RHOBTB3: variants seen among roughly 807,000 people sequenced by gnomAD.
RHOBTB3 encodes Rho related BTB domain containing 3, also known as rho-related BTB domain-containing protein 3.
In RHOBTB3, 47 loss-of-function variants were observed where a neutral mutation model predicts 67.2. The ratio of observed to expected loss-of-function variants is 0.70; its 90% confidence interval spans 0.55 to 0.89. The LOEUF is 0.89. RHOBTB3 is among the 40% of genes least tolerant of loss of function. The probability of loss-of-function intolerance (pLI) is 0.00; values close to 1 mark genes in which losing one functional copy is unlikely to be tolerated. For missense variants in RHOBTB3, 631 were observed against 750.0 expected (o/e 0.84, Z 1.85); for synonymous variants, 273 against 274.2 (o/e 1.00, Z 0.04).
At chr5:95,740,955 A>G (rs1210770429) in intron 3 of RHOBTB3, among the ~76,000 whole-genome samples, 1 of 152,230 alleles carries the variant, frequency 6.6e-6, no homozygotes, top group African/African-American at 2.4e-5. Context: ...ATCATCTAAG[A>G]ACAAGGCCGT....
Position 95,732,015 on chromosome 5 carries a change from G to T in RHOBTB3, c.159G>T (p.Pro53=), listed in dbSNP as rs1254969408. 6.2e-7 allele frequency: 1 copy of T among 1,614,100 alleles called. No individual in the cohort carries two copies. The highest frequency in any genetic ancestry group is 1.3e-5 in the African/African-American group (1 of 74,940). Residue 53 remains proline (P), a synonymous_variant, in exon 2 of 12, where the codon CCG becomes CCT. Coordinates refer to ENST00000379982, the MANE Select transcript of RHOBTB3 (RefSeq NM_014899.4). ...LLNAASTVAR[P]VFTEYQASAF... ...ACGCGGCCAGCACGGTCGCGCGTCC[G>T]GTGTTCACCGAGTATCAGGCCAGTG...
rs1004123154 is a variant in RHOBTB3 at position 95,742,778 on chromosome 5, A to T, written c.416-5555A>T. On this transcript the variant is annotated intron_variant, in intron 3 of 11. Transcript: ENST00000379982. ...ATCTTAAGGATGCAAACTTTTATTT[A>T]AAAAAACTCTCAGACCAGGCGCAGT... Among the ~76,000 whole-genome samples, 10 of 152,148 alleles carry T rather than the reference A, an allele frequency of 6.6e-5. 1 individual carries two copies. In the South Asian group the frequency reaches 8.3e-4, roughly 13 times the overall value.
At position 95,793,915 on chromosome 5, in the gene RHOBTB3, G is replaced by T; in HGVS notation, c.*741G>T. On this transcript the variant is annotated 3_prime_UTR_variant, in exon 12 of 12. Transcript: ENST00000379982. ...AAATTCTTAATAATGTTTGAAGAAG[G>T]GCCCCATGATTTCATTTTGTGCTGA... 2.3e-6 allele frequency: 1 copy of T among 443,832 alleles called. No homozygotes were observed. The highest frequency in any genetic ancestry group is 2.0e-5 in the African/African-American group (1 of 49,320). 27.5% of individuals were successfully genotyped at this position (443,832 alleles called of 1,614,324 possible).
intron 2 of RHOBTB3, among the ~76,000 whole-genome samples, chr5:95,735,114 C>A (rs1242226786): frequency 6.6e-6 from 1 of 152,162 alleles, no homozygotes; most frequent in Non-Finnish European, 1.5e-5. Flanking sequence ...ACTGAATGAG[C>A]TGTGTGGTTT....
chr5:95,748,513 A>G, intron 4 of RHOBTB3, 26 bp downstream of exon 4: 3 of 1,575,312 alleles, frequency 1.9e-6, no homozygotes, highest in Non-Finnish European at 1.7e-6. Flanking sequence ...TGTTAAGTAT[A>G]AAGTTATTTG....
chr5:95,777,375 T>G (rs537910573), intron 8 of RHOBTB3, among the ~76,000 whole-genome samples: 37 of 152,376 alleles, frequency 2.4e-4, no homozygotes, highest in Admixed American at 1.2e-3. Flanking sequence ...TTCTTGATAA[T>G]CTATGTAAAG....
intron 8 of RHOBTB3, among the ~76,000 whole-genome samples, chr5:95,774,501 G>C (rs2112822269): frequency 6.6e-6 from 1 of 152,062 alleles, no homozygotes; most frequent in East Asian, 1.9e-4. Context: ...TGTAAATTTA[G>C]GTATCTCCTT....
intron 6 of RHOBTB3, among the ~76,000 whole-genome samples, chr5:95,760,251 C>T (rs10046014): frequency 0.51 from 76,985 of 152,000 alleles, 20,141 homozygotes; most frequent in Admixed American, 0.59. Context: ...TCCTAAGGAA[C>T]GAGGAGTAAT....
intron 8 of RHOBTB3, among the ~76,000 whole-genome samples, chr5:95,772,526 G>A (rs1255681537): frequency 6.6e-6 from 1 of 151,932 alleles, no homozygotes; most frequent in Non-Finnish European, 1.5e-5. Context: ...TGGAGTTTCG[G>A]ATGTTCCCAA....
chr5:95,746,107 C>T (rs897987694), intron 3 of RHOBTB3, among the ~76,000 whole-genome samples: 1 of 152,008 alleles, frequency 6.6e-6, no homozygotes, highest in African/African-American at 2.4e-5. Context: ...AAACAAATGT[C>T]TTCAGTGACA....
intron 7 of RHOBTB3, among the ~76,000 whole-genome samples, chr5:95,766,512 CTTA>C (rs1430399486): frequency 2.0e-5 from 3 of 149,924 alleles, no homozygotes; most frequent in Non-Finnish European, 4.4e-5. Flanking sequence ...TTTAAAATGA[CTTA>C]TTATTTCATC....
chr5:95,731,729 G>T, intron 1 of RHOBTB3, 45 bp downstream of exon 1: 3 of 1,612,634 alleles, frequency 1.9e-6, no homozygotes, highest in Non-Finnish European at 2.5e-6. Context: ...TCCAGCGCGT[G>T]CCGTGCGCCC....
At chr5:95,729,562 G>A (rs975044765), upstream of RHOBTB3, among the ~76,000 whole-genome samples, 4 of 152,048 alleles carry the variant, frequency 2.6e-5, no homozygotes, top group African/African-American at 9.7e-5. Flanking sequence ...ATGTTCTAGC[G>A]TTCAGTTCTA....
chr5:95,792,993 A>G, intron 11 of RHOBTB3, 66 bp from the exon 12 acceptor site: 1 of 1,068,828 alleles, frequency 9.4e-7, no homozygotes, highest in Non-Finnish European at 1.4e-6. Flanking sequence ...GGAAATCAAT[A>G]GCTGATATCT....
chr5:95,731,614 CG>C lies in RHOBTB3; in HGVS notation c.-64del. 1 of 1,602,882 alleles carries C rather than the reference CG, an allele frequency of 6.2e-7. No individual in the cohort carries two copies. Among genetic ancestry groups the C allele is most frequent in the Non-Finnish European group, 8.5e-7 (1 of 1,175,338 alleles). ...GCGGATTGCGGGTGAACTCGCCGCC[CG>C]GGGGCCCCGCGAAGCCGTGAGCCGC... On this transcript the variant is annotated 5_prime_UTR_variant, in exon 1 of 12. It removes the in-frame stop codon of an upstream open reading frame in the 5' UTR. Coordinates refer to ENST00000379982, the MANE Select transcript of RHOBTB3 (RefSeq NM_014899.4).
At chr5:95,752,016 A>T (rs149421491) in intron 4 of RHOBTB3, among the ~76,000 whole-genome samples, 5 of 152,244 alleles carry the variant, frequency 3.3e-5, no homozygotes, top group African/African-American at 1.2e-4. Flanking sequence ...ATTAATAACA[A>T]TTCCTTCTTG....
intron 6 of RHOBTB3, among the ~76,000 whole-genome samples, chr5:95,758,076 T>C (rs1745298755): frequency 1.3e-5 from 2 of 152,210 alleles, no homozygotes. Flanking sequence ...TCCACAATTA[T>C]TATTGACTAC....
intron 8 of RHOBTB3, chr5:95,769,117 G>T: frequency 2.7e-6 from 1 of 370,706 alleles, no homozygotes; most frequent in South Asian, 2.6e-5. Context: ...AATTCTTCAA[G>T]GTGTCGACCT....
chr5:95,777,520 A>G (rs544260409), intron 8 of RHOBTB3, among the ~76,000 whole-genome samples: 1 of 152,348 alleles, frequency 6.6e-6, no homozygotes, highest in South Asian at 2.1e-4. Context: ...TTCAAGGAAC[A>G]TGATTATCTT....
Sources: gnomAD v4.1 joint callset for allele counts (sites outside exome capture counted in the v4.1 genomes callset) on GRCh38, gnomAD v4.1.1 for gene constraint, MANE v1.5 for transcripts, NCBI Gene and HGNC (gene_info 2026-07-23, HGNC 2026-07-21) for gene names.